The following CRYBA4 variants were observed in gnomAD, a reference collection of about 807,000 sequenced individuals.
CRYBA4 encodes beta-crystallin A4.
Under a neutral mutation model 31.7 loss-of-function variants are expected in CRYBA4, and 30 were observed. That is an observed-to-expected ratio of 0.95 (90% CI 0.71 to 1.28). The LOEUF is 1.28. Among genes scored for constraint, CRYBA4 ranks in the 50% most tolerant of loss-of-function variants. CRYBA4 has a pLI of 0.00. For missense variants in CRYBA4, 225 were observed against 260.7 expected, an observed-to-expected ratio of 0.86 and a Z score of 0.94; for synonymous variants, 102 against 102.3, an observed-to-expected ratio of 1.00 and a Z score of 0.02.
At chr22:26,607,679 T>A in the CRYBA4 span, among the ~76,000 whole-genome samples, 1 of 152,160 alleles carries the variant, frequency 6.6e-6, no homozygotes, top group East Asian at 1.9e-4. Flanking sequence ...TGCTTATCAT[T>A]TGCCCAGGGT....
chr22:26,629,440 G>A (rs530240792), intron 5 of CRYBA4, among the ~76,000 whole-genome samples: 1 of 152,138 alleles, frequency 6.6e-6, no homozygotes, highest in South Asian at 2.1e-4. Flanking sequence ...GTCCTGAACA[G>A]AGTAGAAATC....
rs1418867067 is a variant in CRYBA4, at chr22:26,628,246, A to G, written c.301-42A>G. On this transcript the variant is annotated intron_variant, in intron 4 of 5. Coordinates refer to ENST00000354760, the MANE Select transcript of CRYBA4 (RefSeq NM_001886.3). ...GCCAGGAGAGGCTCCTGGGTTTCCA[A>G]CTGGGAGCCTGCTGGTCTGACTGTG... 8 of 1,613,424 alleles carry G rather than the reference A, an allele frequency of 5.0e-6. No homozygotes were observed. In the African/African-American group the frequency reaches 5.3e-5, roughly 11 times the overall value.
chr22:26,627,474 TTCTC>T (rs747444496), intron 4 of CRYBA4, among the ~76,000 whole-genome samples: 1 of 85,866 alleles, frequency 1.2e-5, no homozygotes, highest in South Asian at 4.6e-4. Flanking sequence ...CTTTCTTTCT[TTCTC>T]TTTCTTTCCT....
the CRYBA4 span, among the ~76,000 whole-genome samples, chr22:26,596,139 C>A: frequency 2.6e-5 from 4 of 152,068 alleles, no homozygotes; most frequent in Non-Finnish European, 1.5e-5. Context: ...CTTGTTCTGT[C>A]GCCCAAGCTG....
chr22:26,630,087 C>G (rs1035430050), intron 5 of CRYBA4, among the ~76,000 whole-genome samples: 2 of 152,152 alleles, frequency 1.3e-5, no homozygotes, highest in African/African-American at 2.4e-5. Flanking sequence ...TCAGATTGCC[C>G]TCATAATTAA....
chr22:26,609,174 C>T, the CRYBA4 span, among the ~76,000 whole-genome samples: 1 of 152,208 alleles, frequency 6.6e-6, no homozygotes, highest in African/African-American at 2.4e-5. Flanking sequence ...TGCTGGGACC[C>T]TGCTCTCCCC....
chr22:26,595,958 G>C, the CRYBA4 span, among the ~76,000 whole-genome samples: 1 of 151,556 alleles, frequency 6.6e-6, no homozygotes. Context: ...TTTTTGTAGA[G>C]GTAAGGTCTC....
At chr22:26,617,151 G>T (rs150951065), upstream of CRYBA4, among the ~76,000 whole-genome samples, 294 of 152,294 alleles carry the variant, frequency 1.9e-3, no homozygotes, top group African/African-American at 6.7e-3. Context: ...TGCATGTGGA[G>T]GGTTCTGAAA....
chr22:26,603,138 A>C, the CRYBA4 span, among the ~76,000 whole-genome samples: 65 of 148,838 alleles, frequency 4.4e-4, no homozygotes, highest in Admixed American at 6.1e-4. Flanking sequence ...AAAAAAAAAA[A>C]AAAAAACAAA....
the CRYBA4 span, among the ~76,000 whole-genome samples, chr22:26,605,609 G>A: frequency 6.8e-6 from 1 of 146,232 alleles, no homozygotes; most frequent in Non-Finnish European, 1.5e-5. Context: ...GGGAGGTGAA[G>A]GTTGCAGTGA....
upstream of CRYBA4, among the ~76,000 whole-genome samples, chr22:26,620,040 T>C (rs2145976447): frequency 6.6e-6 from 1 of 151,122 alleles, no homozygotes; most frequent in Admixed American, 6.6e-5. Context: ...CTCCTCAGTA[T>C]AAGGATGAAG....
At chr22:26,612,190 G>T in the CRYBA4 span, 1 of 1,609,124 alleles carries the variant, frequency 6.2e-7, no homozygotes, top group Non-Finnish European at 8.5e-7. Context: ...AAGACCACCA[G>T]CTGCAGGAGA....
chr22:26,609,420 G>A, the CRYBA4 span, among the ~76,000 whole-genome samples: 9 of 152,186 alleles, frequency 5.9e-5, no homozygotes, highest in Admixed American at 5.9e-4. Context: ...ATGGGTGGAT[G>A]AAAGGATGGT....
chr22:26,628,477 G>A, intron 5 of CRYBA4, 47 bp downstream of exon 5: 2 of 1,609,284 alleles, frequency 1.2e-6, no homozygotes, highest in South Asian at 1.1e-5. Context: ...GCTACTGGGA[G>A]GGGTAGGTGT....
At chr22:26,599,644 C>A in the CRYBA4 span, 8 of 1,614,012 alleles carry the variant, frequency 5.0e-6, no homozygotes, top group African/African-American at 9.3e-5. Flanking sequence ...CTGGTACCCG[C>A]GGTAGCCAGG....
At chr22:26,627,237 T>C (rs1929726986) in intron 4 of CRYBA4, among the ~76,000 whole-genome samples, 1 of 152,070 alleles carries the variant, frequency 6.6e-6, no homozygotes, top group African/African-American at 2.4e-5. Context: ...CCTCAGTCAG[T>C]TGGTAAGTGG....
chr22:26,630,553 G>A lies in CRYBA4; in HGVS notation c.*66G>A. On this transcript the variant is annotated 3_prime_UTR_variant, in exon 6 of 6. Coordinates refer to ENST00000354760, the MANE Select transcript of CRYBA4 (RefSeq NM_001886.3). ...CAATGGAGGCGCTCTGGAGGCTGTGGTGTGTTCTCTCCTTCTGCCTCCCCC... is the reference window on the plus strand; with the variant it reads ...CAATGGAGGCGCTCTGGAGGCTGTGATGTGTTCTCTCCTTCTGCCTCCCCC... 11 of 1,423,658 alleles carry A rather than the reference G, an allele frequency of 7.7e-6. No homozygotes were observed. The highest frequency in any genetic ancestry group is 1.1e-5 in the Non-Finnish European group (11 of 1,031,062). 88.2% of individuals were successfully genotyped at this position (1,423,658 alleles called of 1,614,324 possible). A position where few individuals can be genotyped will look rare whatever the true frequency, so the allele number is the denominator to read the frequency against.
Position 26,625,402 on chromosome 22 carries a change from G to A in CRYBA4, c.159-79G>A, listed in dbSNP as rs1476345598. The A allele has an allele frequency of 7.8e-6, 12 of 1,530,116 alleles. No homozygotes were observed. The East Asian group carries it at 1.1e-4, about 15-fold the overall frequency. 94.8% of individuals were successfully genotyped at this position (1,530,116 alleles called of 1,614,324 possible). A position where few individuals can be genotyped will look rare whatever the true frequency, so the allele number is the denominator to read the frequency against. On this transcript the variant is annotated intron_variant, in intron 3 of 5. Coordinates refer to ENST00000354760, the MANE Select transcript of CRYBA4 (RefSeq NM_001886.3). ...CCCCTGAATGGTTGTGACTGTGACC[G>A]TTCTAGACCCAATTGCTGGTCTAGA...
intron 2 of CRYBA4, 111 bp downstream of exon 2, chr22:26,622,746 A>G (rs1370831732): frequency 1.2e-6 from 1 of 855,674 alleles, no homozygotes; most frequent in Non-Finnish European, 2.0e-6. Flanking sequence ...GGTGCAATCA[A>G]GGCTCAGAGT....
Sources: gnomAD v4.1 joint callset for allele counts (sites outside exome capture counted in the v4.1 genomes callset) on GRCh38, gnomAD v4.1.1 for gene constraint, MANE v1.5 for transcripts, NCBI Gene and HGNC (gene_info 2026-07-23, HGNC 2026-07-21) for gene names.